Variants in PRKAG2 observed in about 807,000 individuals in gnomAD.
PRKAG2 encodes protein kinase AMP-activated non-catalytic subunit gamma 2.
Under a neutral mutation model 69.6 loss-of-function variants are expected in PRKAG2, and 26 were observed. The observed-to-expected ratio is 0.37, with a 90% CI of 0.27 to 0.52. The LOEUF (loss-of-function observed/expected upper bound fraction) is 0.52, where lower values mean the gene tolerates loss of function less well. Among genes scored for constraint, PRKAG2 ranks in the 20% least tolerant of loss-of-function variants. The probability of loss-of-function intolerance (pLI) is 0.90; values close to 1 mark genes in which losing one functional copy is unlikely to be tolerated. For synonymous variants in PRKAG2, 293 were observed against 285.0 expected, an observed-to-expected ratio of 1.03 and a Z score of -0.28; for missense variants, 557 against 740.0, an observed-to-expected ratio of 0.75 and a Z score of 2.87.
At chr7:151,800,722 C>T (rs1199724828) in intron 1 of PRKAG2, among the ~76,000 whole-genome samples, 3 of 152,198 alleles carry the variant, frequency 2.0e-5, no homozygotes, top group South Asian at 2.1e-4. Context: ...GCGGTGGAAC[C>T]GCTCTGCATG....
intron 3 of PRKAG2, among the ~76,000 whole-genome samples, chr7:151,680,870 T>C (rs6955918): frequency 0.37 from 56,916 of 152,070 alleles, 10,784 homozygotes; most frequent in African/African-American, 0.41. Context: ...TCCTCTCCCT[T>C]GCTCTTTCTC....
At position 151,699,283 on chromosome 7, in the gene PRKAG2, C is replaced by G. The variant is rs1837260603; in HGVS notation, c.467-23646G>C. 6.6e-6 allele frequency among the ~76,000 whole-genome samples: 1 copy of G among 152,224 alleles called. No homozygotes were observed. Among genetic ancestry groups the G allele is most frequent in the African/African-American group, 2.4e-5 (1 of 41,454 alleles). On this transcript the variant is annotated intron_variant, in intron 3 of 15. Coordinates refer to ENST00000287878, the MANE Select transcript of PRKAG2 (RefSeq NM_016203.4). This position sits in a 1 kb window ranked among gnomAD's most constrained non-coding sequence, Gnocchi z 4.5. ...GAAGATCTCCCACGAAGGTTGCCTCCCTCCCTGCGGTCAGGCTGCCTGCAG... is the reference window on the plus strand; with the variant it reads ...GAAGATCTCCCACGAAGGTTGCCTCGCTCCCTGCGGTCAGGCTGCCTGCAG...
At chr7:151,607,849 C>T (rs1817875714) in intron 5 of PRKAG2, among the ~76,000 whole-genome samples, 1 of 152,182 alleles carries the variant, frequency 6.6e-6, no homozygotes, top group Non-Finnish European at 1.5e-5. Flanking sequence ...TCCTGCTTGC[C>T]TTTCTGCAGT....
chr7:151,644,991 C>T (rs1234250611), intron 4 of PRKAG2, among the ~76,000 whole-genome samples: 1 of 151,868 alleles, frequency 6.6e-6, no homozygotes, highest in African/African-American at 2.4e-5. Context: ...TGACTGTACA[C>T]ATCTTTTGTC....
At chr7:151,833,941 A>G (rs1287216438) in intron 1 of PRKAG2, among the ~76,000 whole-genome samples, 1 of 152,206 alleles carries the variant, frequency 6.6e-6, no homozygotes, top group Non-Finnish European at 1.5e-5. Flanking sequence ...CTCACCGTCC[A>G]TCTCTCCTTC....
chr7:151,594,081 C>T lies in PRKAG2; in HGVS notation c.864+1264G>A, dbSNP rs151246287. 1.2e-4 allele frequency among the ~76,000 whole-genome samples: 18 copies of T among 152,200 alleles called. 1 individual carries two copies. The East Asian group carries it at 3.3e-3, about 28-fold the overall frequency. ...AAAGGGCCTGGTGGAGCAGGAAGAG[C>T]CTGGAAGGATCATCTAAGGCAGGGC... On this transcript the variant is annotated intron_variant, in intron 6 of 15. Transcript: ENST00000287878.
At position 151,756,805 on chromosome 7, in the gene PRKAG2, C is replaced by T. The variant is rs1018035060; in HGVS notation, c.466+24347G>A. On this transcript the variant is annotated intron_variant, in intron 3 of 15. Coordinates refer to ENST00000287878, the MANE Select transcript of PRKAG2 (RefSeq NM_016203.4). The surrounding 1 kb of genome is among the most constrained non-coding windows in gnomAD (Gnocchi z 4.9). ...AGCTCTTTCCTCACCTTTATAACCA[C>T]GCAGCCACATAATCAGAACTGTGAC... 6.6e-6 allele frequency among the ~76,000 whole-genome samples: 1 copy of T among 152,174 alleles called. No homozygotes were observed. The highest frequency in any genetic ancestry group is 1.5e-5 in the Non-Finnish European group (1 of 68,028).
At chr7:151,700,825 C>CT (rs1431636570) in intron 3 of PRKAG2, among the ~76,000 whole-genome samples, 1 of 152,208 alleles carries the variant, frequency 6.6e-6, no homozygotes, top group African/African-American at 2.4e-5. Flanking sequence ...GGAGCCTGGC[C>CT]TTGTGCCGAA....
At chr7:151,855,078 T>TGCTCCACACACCAC (rs2079688447) in intron 1 of PRKAG2, among the ~76,000 whole-genome samples, 1 of 13,426 alleles carries the variant, frequency 7.4e-5, no homozygotes, top group Non-Finnish European at 1.3e-4. Context: ...ACACACACCA[T>TGCTCCACACACCAC]CCTCCACACA....
At chr7:151,876,105 C>A (rs2080395058) in intron 1 of PRKAG2, among the ~76,000 whole-genome samples, 1 of 148,288 alleles carries the variant, frequency 6.7e-6, no homozygotes, top group Non-Finnish European at 1.5e-5. Context: ...CTCTCCGTCT[C>A]CAGCAGCCGA....
In PRKAG2 at chr7:151,814,944, G is replaced by C; in HGVS notation, c.115-28403C>G. ...TTAAAAAGACAGGCAGCAGGATGGAGGGAGGCAGGAGCAGAGGCCGATGAT... is the reference window on the plus strand; with the variant it reads ...TTAAAAAGACAGGCAGCAGGATGGACGGAGGCAGGAGCAGAGGCCGATGAT... On this transcript the variant is annotated intron_variant, in intron 1 of 15. Transcript: ENST00000287878. The surrounding 1 kb of genome is among the most constrained non-coding windows in gnomAD (Gnocchi z 4.8). 1.8e-6 allele frequency: 2 copies of C among 1,122,638 alleles called. No individual in the cohort carries two copies. The highest frequency in any genetic ancestry group is 2.2e-6 in the Non-Finnish European group (2 of 889,128). 69.5% of individuals were successfully genotyped at this position (1,122,638 alleles called of 1,614,324 possible). A position where few individuals can be genotyped will look rare whatever the true frequency, so the allele number is the denominator to read the frequency against.
At chr7:151,631,633 C>T in intron 5 of PRKAG2, 2 of 454,994 alleles carry the variant, frequency 4.4e-6, no homozygotes, top group Non-Finnish European at 8.9e-6. Context: ...GAAGACACAC[C>T]CTACCGGTCA....
At chr7:151,720,825 G>A (rs1347092937) in intron 3 of PRKAG2, among the ~76,000 whole-genome samples, 1 of 140,758 alleles carries the variant, frequency 7.1e-6, no homozygotes, top group Non-Finnish European at 1.5e-5. Context: ...GTTTGGAGGG[G>A]ATAGAGGGGA....
intron 1 of PRKAG2, among the ~76,000 whole-genome samples, chr7:151,820,501 G>GTCT (rs1563728068): frequency 9.3e-4 from 90 of 97,202 alleles, no homozygotes; most frequent in East Asian, 4.9e-3. Flanking sequence ...CCGCTCCGTG[G>GTCT]CCTGGCCCCT....
chr7:151,570,065 C>T, intron 10 of PRKAG2, 106 bp downstream of exon 10: 1 of 1,331,734 alleles, frequency 7.5e-7, no homozygotes, highest in Non-Finnish European at 1.0e-6. Context: ...GGAGGCAGGC[C>T]CTGTTTGGAA....
chr7:151,731,535 T>TGTGTGC (rs10689682), intron 3 of PRKAG2, among the ~76,000 whole-genome samples: 118 of 151,688 alleles, frequency 7.8e-4, no homozygotes, highest in African/African-American at 1.2e-3. Context: ...TGTGTGTGTG[T>TGTGTGC]GCGCACAGGT....
At chr7:151,577,301 C>A (rs1339051602) in intron 6 of PRKAG2, among the ~76,000 whole-genome samples, 1 of 152,150 alleles carries the variant, frequency 6.6e-6, no homozygotes, top group Non-Finnish European at 1.5e-5. Context: ...TCACTTAACA[C>A]TCATAACAAA....
intron 5 of PRKAG2, among the ~76,000 whole-genome samples, chr7:151,630,597 G>A (rs1475011882): frequency 1.3e-5 from 2 of 152,222 alleles, no homozygotes; most frequent in African/African-American, 2.4e-5. Flanking sequence ...AAGTAGTAGC[G>A]ATTCCTCTCG....
At chr7:151,797,595 T>C (rs1421442975) in intron 1 of PRKAG2, among the ~76,000 whole-genome samples, 1 of 152,234 alleles carries the variant, frequency 6.6e-6, no homozygotes, top group Non-Finnish European at 1.5e-5. Context: ...ATCAAAAGAT[T>C]CTTCCCCAAC....
Sources: allele counts gnomAD v4.1 joint callset (sites outside exome capture counted in the v4.1 genomes callset), GRCh38; gene constraint gnomAD v4.1.1; non-coding constraint Gnocchi (gnomAD v3.1); transcripts MANE v1.5; gene names NCBI Gene and HGNC (gene_info 2026-07-23, HGNC 2026-07-21).